Variants in SMPDL3A observed in about 807,000 individuals in gnomAD.
SMPDL3A encodes the protein sphingomyelin phosphodiesterase acid like 3A.
A neutral mutation model predicts 38.5 loss-of-function variants in SMPDL3A; 39 were observed. That is an observed-to-expected ratio of 1.01 (90% CI 0.78 to 1.32). The LOEUF is 1.32. Ranked by LOEUF, SMPDL3A falls within the 40% of genes most tolerant of loss-of-function variation. The pLI is 0.00. For synonymous variants in SMPDL3A, 180 were observed against 194.3 expected, an observed-to-expected ratio of 0.93 and a Z score of 0.61; for missense variants, 502 against 536.2, an observed-to-expected ratio of 0.94 and a Z score of 0.63.
At position 122,809,540 on chromosome 6, in the gene SMPDL3A, CT is replaced by C. The variant is rs1291260979; in HGVS notation, c.*137del. On this transcript the variant is annotated 3_prime_UTR_variant, in exon 8 of 8. Transcript: ENST00000368440. ...CTGTCTTTGCTTTCTTTTTTTTTTT[CT>C]TTTTGATGCCTTAATGTAGATATCT... The C allele has an allele frequency of 4.9e-6, 3 of 615,642 alleles. No homozygotes were observed. Among genetic ancestry groups the C allele is most frequent in the Admixed American group, 6.2e-5 (2 of 32,208 alleles). 38.1% of individuals were successfully genotyped at this position (615,642 alleles called of 1,614,324 possible).
chr6:122,801,211 C>G (rs1781419501), intron 3 of SMPDL3A, 99 bp from the exon 4 acceptor site: 1 of 786,628 alleles, frequency 1.3e-6, no homozygotes, highest in Admixed American at 2.1e-5. Flanking sequence ...CCTTGCATCT[C>G]TAGATGCCTA....
Position 122,804,961 on chromosome 6 carries a change from T to C in SMPDL3A, c.791T>C (p.Ile264Thr), listed in dbSNP as rs111976561. 2 of 1,613,446 alleles carry C rather than the reference T, an allele frequency of 1.2e-6. No homozygotes were observed. Among genetic ancestry groups the C allele is most frequent in the South Asian group, 2.2e-5 (2 of 90,782 alleles). Residue 264 changes from isoleucine to threonine, a missense_variant, in exon 6 of 8, where the codon ATC becomes ACC. Physicochemically the swap from Ile to Thr is moderately conservative, Grantham distance 89. Coordinates refer to ENST00000368440, the MANE Select transcript of SMPDL3A (RefSeq NM_006714.5). ...GGGTATCTGCCATCTTCACAGAACA[T>C]CACAGCAATGAGAGAATACTATAAT... ...PVGYLPSSQN[I>T]TAMREYYNEK... is the part of the protein sequence containing the mutation.
At position 122,790,812 on chromosome 6, in the gene SMPDL3A, T is replaced by C. The variant is rs192435428; in HGVS notation, c.112+1354T>C. 2.6e-5 allele frequency among the ~76,000 whole-genome samples: 4 copies of C among 152,300 alleles called. No homozygotes were observed. The East Asian group carries it at 7.7e-4, about 29-fold the overall frequency. On this transcript the variant is annotated intron_variant, in intron 1 of 7. Coordinates refer to ENST00000368440, the MANE Select transcript of SMPDL3A (RefSeq NM_006714.5). ...TTGCTTGAGGCCACACAATGGCAAA[T>C]TCACCTGTGTTTTAAAGAGGCCTGA...
intron 3 of SMPDL3A, among the ~76,000 whole-genome samples, chr6:122,798,805 A>G (rs1348256600): frequency 6.7e-6 from 1 of 150,222 alleles, no homozygotes; most frequent in Non-Finnish European, 1.5e-5. Context: ...CCTAACTTCT[A>G]TAACATATCC....
chr6:122,808,062 C>A (rs1781693588), intron 7 of SMPDL3A, among the ~76,000 whole-genome samples: 1 of 151,962 alleles, frequency 6.6e-6, no homozygotes, highest in Non-Finnish European at 1.5e-5. Flanking sequence ...TAAATAATTT[C>A]TAAAAATATA....
At chr6:122,808,472 G>A (rs1781709585) in intron 7 of SMPDL3A, among the ~76,000 whole-genome samples, 1 of 152,208 alleles carries the variant, frequency 6.6e-6, no homozygotes, top group Non-Finnish European at 1.5e-5. Context: ...CTCTGAGGAT[G>A]TGTGAATTGA....
chr6:122,804,700 C>G (rs948703912), intron 5 of SMPDL3A, among the ~76,000 whole-genome samples: 1 of 152,164 alleles, frequency 6.6e-6, no homozygotes, highest in South Asian at 2.1e-4. Context: ...ACTGAAGTCA[C>G]AGTTGCCTTA....
At chr6:122,805,767 T>C (rs986917450) in intron 6 of SMPDL3A, among the ~76,000 whole-genome samples, 1 of 152,170 alleles carries the variant, frequency 6.6e-6, no homozygotes, top group African/African-American at 2.4e-5. Context: ...GGACTACATG[T>C]GTGTCACCAC....
At chr6:122,793,522 C>T (rs1781144450) in intron 1 of SMPDL3A, among the ~76,000 whole-genome samples, 1 of 152,144 alleles carries the variant, frequency 6.6e-6, no homozygotes, top group Non-Finnish European at 1.5e-5. Flanking sequence ...AGCTATTTGC[C>T]ATCTTTACTT....
chr6:122,803,864 A>G (rs1781506674), intron 5 of SMPDL3A, 31 bp downstream of exon 5: 1 of 1,591,926 alleles, frequency 6.3e-7, no homozygotes, highest in Admixed American at 1.7e-5. Flanking sequence ...CCATCTGGGA[A>G]TAAACGGAAG....
chr6:122,792,569 T>C (rs1210833445), intron 1 of SMPDL3A, among the ~76,000 whole-genome samples: 1 of 152,142 alleles, frequency 6.6e-6, no homozygotes, highest in Non-Finnish European at 1.5e-5. Flanking sequence ...TATAGTCTCT[T>C]TTCCCCTAAT....
chr6:122,789,319 A>T lies in SMPDL3A; in HGVS notation c.-28A>T. Reference sequence around the variant, plus strand: ...CCGAGTGGAGCTGCGGGACAGCCCGAACCTCCAGGTCAGCCCCGCGGCCCT... The same window carrying T: ...CCGAGTGGAGCTGCGGGACAGCCCGTACCTCCAGGTCAGCCCCGCGGCCCT... On this transcript the variant is annotated 5_prime_UTR_variant, in exon 1 of 8. Transcript: ENST00000368440. 1 of 1,495,716 alleles carries T rather than the reference A, an allele frequency of 6.7e-7. No homozygotes were observed. Among genetic ancestry groups the T allele is most frequent in the Non-Finnish European group, 9.0e-7 (1 of 1,108,872 alleles). The allele number at this position is 1,495,716 out of a possible 1,614,324, so 92.7% of individuals were successfully genotyped here.
Position 122,789,321 on chromosome 6 carries a change from C to G in SMPDL3A, c.-26C>G, listed in dbSNP as rs765348702. The G allele has an allele frequency of 6.7e-7, 1 of 1,503,374 alleles. No individual in the cohort carries two copies. The highest frequency in any genetic ancestry group is 1.4e-5 in the African/African-American group (1 of 71,474). 93.1% of individuals were successfully genotyped at this position (1,503,374 alleles called of 1,614,324 possible). A position where few individuals can be genotyped will look rare whatever the true frequency, so the allele number is the denominator to read the frequency against. ...GAGTGGAGCTGCGGGACAGCCCGAA[C>G]CTCCAGGTCAGCCCCGCGGCCCTCC... On this transcript the variant is annotated 5_prime_UTR_variant, in exon 1 of 8. Coordinates refer to ENST00000368440, the MANE Select transcript of SMPDL3A (RefSeq NM_006714.5).
At chr6:122,805,223 A>C in intron 6 of SMPDL3A, 134 bp downstream of exon 6, 1 of 689,086 alleles carries the variant, frequency 1.5e-6, no homozygotes. Context: ...TTTCTGAATT[A>C]TCCTCAATGG....
intron 6 of SMPDL3A, 76 bp from the exon 7 acceptor site, chr6:122,806,157 T>C (rs974651051): frequency 1.5e-6 from 2 of 1,318,300 alleles, no homozygotes; most frequent in Admixed American, 4.8e-5. Context: ...AATCTCTTAA[T>C]CTGGAAACTT....
chr6:122,803,298 A>G (rs939383515), intron 4 of SMPDL3A, among the ~76,000 whole-genome samples: 1 of 152,188 alleles, frequency 6.6e-6, no homozygotes, highest in Non-Finnish European at 1.5e-5. Flanking sequence ...ATATTTCACA[A>G]TGTCTCTCAT....
rs114013509 is a variant in SMPDL3A at position 122,800,524 on chromosome 6, A to G, written c.472-786A>G. 4.5e-3 allele frequency among the ~76,000 whole-genome samples: 684 copies of G among 152,302 alleles called. 3 individuals carry two copies. The highest frequency in any genetic ancestry group is 0.015 in the African/African-American group (640 of 41,574). On this transcript the variant is annotated intron_variant, in intron 3 of 7. Transcript: ENST00000368440. ...ATGAGCACACTCCCACATCCTTCCCATATCCTAGCCATGCTAAAACATGAG... is the reference window on the plus strand; with the variant it reads ...ATGAGCACACTCCCACATCCTTCCCGTATCCTAGCCATGCTAAAACATGAG...
intron 7 of SMPDL3A, among the ~76,000 whole-genome samples, chr6:122,808,585 GCCTCCCTTCCTCCCTCCCTC>G (rs1350287559): frequency 5.1e-5 from 7 of 137,798 alleles, no homozygotes; most frequent in African/African-American, 1.5e-4. Context: ...TTTTTATTGA[GCCTCCCTTCCTCCCTCCCTC>G]CCTCCCTTCC....
intron 2 of SMPDL3A, among the ~76,000 whole-genome samples, 193 bp from the exon 3 acceptor site, chr6:122,796,630 TA>T (rs1781255811): frequency 6.6e-6 from 1 of 152,226 alleles, no homozygotes; most frequent in Non-Finnish European, 1.5e-5. Context: ...TTTTGTATTA[TA>T]TTTTGTTAAT....
Sources: gnomAD v4.1 joint callset for allele counts (sites outside exome capture counted in the v4.1 genomes callset) on GRCh38, gnomAD v4.1.1 for gene constraint, MANE v1.5 for transcripts, NCBI Gene and HGNC (gene_info 2026-07-23, HGNC 2026-07-21) for gene names.